The following ZGPAT variants were observed in gnomAD, a reference collection of about 807,000 sequenced individuals.
ZGPAT encodes the protein zinc finger CCCH-type with G patch domain-containing protein.
A neutral mutation model predicts 47.9 loss-of-function variants in ZGPAT; 39 were observed. The observed-to-expected ratio is 0.81, with a 90% CI of 0.63 to 1.06. ZGPAT has a LOEUF of 1.06. Among genes scored for constraint, ZGPAT ranks in the 50% least tolerant of loss-of-function variants. The pLI, the probability that ZGPAT is intolerant of heterozygous loss-of-function variation, is 0.00. For missense variants in ZGPAT, 717 were observed against 681.4 expected (o/e 1.05, Z -0.58); for synonymous variants, 348 against 292.9 (o/e 1.19, Z -1.92).
At chr20:63,727,669 C>CA (rs746126031) in intron 2 of ZGPAT, among the ~76,000 whole-genome samples, 989 of 44,896 alleles carry the variant, frequency 0.022, 6 homozygotes, top group African/African-American at 0.029. Context: ...GACTCGGTCT[C>CA]AAAAAAAAAA....
intron 2 of ZGPAT, among the ~76,000 whole-genome samples, chr20:63,715,757 T>TA (rs1326887627): frequency 6.6e-6 from 1 of 151,948 alleles, no homozygotes; most frequent in Non-Finnish European, 1.5e-5. Context: ...TGGGAAGAGG[T>TA]AAAAAGGGAT....
upstream of ZGPAT, chr20:63,707,568 G>A (rs1601299027): frequency 6.3e-6 from 1 of 159,282 alleles, no homozygotes; most frequent in Non-Finnish European, 1.4e-5. Context: ...GGGTAGGGAC[G>A]CCCCATCACC....
chr20:63,717,817 T>G (rs528015863), intron 2 of ZGPAT, among the ~76,000 whole-genome samples: 1 of 152,002 alleles, frequency 6.6e-6, no homozygotes, highest in East Asian at 1.9e-4. Flanking sequence ...CCAAGGTGGG[T>G]GGATCACCTA....
chr20:63,712,806 G>T (rs547225416), intron 2 of ZGPAT, among the ~76,000 whole-genome samples: 1 of 152,160 alleles, frequency 6.6e-6, no homozygotes, highest in African/African-American at 2.4e-5. Context: ...TGAGGCAGGA[G>T]AATCGCTTGA....
chr20:63,727,407 A>G (rs902970887), intron 2 of ZGPAT, among the ~76,000 whole-genome samples: 2 of 151,970 alleles, frequency 1.3e-5, no homozygotes, highest in Non-Finnish European at 2.9e-5. Context: ...ACGCCTGGCT[A>G]ATTTTTGTAT....
At chr20:63,722,938 G>A (rs1054648020) in intron 2 of ZGPAT, among the ~76,000 whole-genome samples, 1 of 152,048 alleles carries the variant, frequency 6.6e-6, no homozygotes, top group Non-Finnish European at 1.5e-5. Flanking sequence ...GCCTAAGTAT[G>A]GCAACGTGTC....
intron 2 of ZGPAT, among the ~76,000 whole-genome samples, chr20:63,712,512 G>A (rs370030940): frequency 1.3e-5 from 2 of 151,926 alleles, no homozygotes; most frequent in African/African-American, 4.8e-5. Flanking sequence ...GGATCGGCTT[G>A]TCCAATTCTG....
chr20:63,733,420 C>A lies in ZGPAT; in HGVS notation c.718+68C>A, dbSNP rs903264157. ...CCCCACGTGTGTTGTCACTGTGTGG[C>A]TGCTCCCTGCTTCCTTTGGGTTGAG... On this transcript the variant is annotated intron_variant, in intron 3 of 6. Transcript: ENST00000355969. 1.9e-6 allele frequency: 3 copies of A among 1,598,248 alleles called. No homozygotes were observed. The African/African-American group carries it at 4.0e-5, about 21-fold the overall frequency.
intron 2 of ZGPAT, among the ~76,000 whole-genome samples, chr20:63,712,108 G>C (rs1162722527): frequency 2.0e-5 from 3 of 152,148 alleles, no homozygotes; most frequent in African/African-American, 7.2e-5. Context: ...TTTCACCTAT[G>C]TTTTCTTCTA....
chr20:63,717,675 G>A (rs1194617791), intron 2 of ZGPAT, among the ~76,000 whole-genome samples: 1 of 151,978 alleles, frequency 6.6e-6, no homozygotes, highest in Non-Finnish European at 1.5e-5. Flanking sequence ...GACTCAATCA[G>A]TCCTCCTGCC....
At chr20:63,725,195 A>G (rs541249515) in intron 2 of ZGPAT, among the ~76,000 whole-genome samples, 45 of 152,220 alleles carry the variant, frequency 3.0e-4, no homozygotes, top group African/African-American at 1.0e-3. Context: ...CGTGTTAGCC[A>G]GGATGGTCTT....
Position 63,735,809 on chromosome 20 carries a change from G to A in ZGPAT, c.1426G>A (p.Glu476Lys), listed in dbSNP as rs774632294. 6 of 1,611,044 alleles carry A rather than the reference G, an allele frequency of 3.7e-6. No individual in the cohort carries two copies. The highest frequency in any genetic ancestry group is 1.7e-5 in the Admixed American group (1 of 59,706). Reference sequence around the variant, plus strand: ...TAGCGTGGCGTCAGCCCAGCTGCAGGAGAAGCTGGCAGGAGCCCAGCGCCA... The same window carrying A: ...TAGCGTGGCGTCAGCCCAGCTGCAGAAGAAGCTGGCAGGAGCCCAGCGCCA... ...RHSVASAQLQ[E>K]KLAGAQRQLG... Residue 476 changes from glutamate to lysine, a missense_variant, in exon 7 of 7, where the codon GAG (glutamate) becomes AAG (lysine). Transcript: ENST00000355969.
At chr20:63,724,356 C>A (rs2091820886) in intron 2 of ZGPAT, among the ~76,000 whole-genome samples, 1 of 120,688 alleles carries the variant, frequency 8.3e-6, no homozygotes. Context: ...CAGAGCGAGA[C>A]TCTGCCTAAA....
At chr20:63,732,166 G>A (rs562185760) in intron 2 of ZGPAT, among the ~76,000 whole-genome samples, 2 of 149,874 alleles carry the variant, frequency 1.3e-5, no homozygotes, top group African/African-American at 2.5e-5. Context: ...TGCGCGTGTG[G>A]GTGACTGCAT....
intron 2 of ZGPAT, among the ~76,000 whole-genome samples, chr20:63,731,273 CTG>C (rs1003981322): frequency 4.3e-4 from 64 of 149,572 alleles, no homozygotes; most frequent in African/African-American, 1.5e-3. Flanking sequence ...ATGCGGGTGT[CTG>C]TGTGTGTGAT....
chr20:63,725,891 G>T (rs1371123865), intron 2 of ZGPAT, among the ~76,000 whole-genome samples: 1 of 151,532 alleles, frequency 6.6e-6, no homozygotes, highest in African/African-American at 2.4e-5. Flanking sequence ...GGAGTGCAGT[G>T]GCGCGATTTC....
chr20:63,708,718 C>T lies in ZGPAT; in HGVS notation c.138C>T (p.Leu46=), dbSNP rs1203958696. The change falls in exon 2 of 7, where the codon CTC becomes CTT. Residue 46 remains leucine, a synonymous_variant. Coordinates refer to ENST00000355969, the MANE Select transcript of ZGPAT (RefSeq NM_181485.3). ...LRQLQGDLKE[L]IELTEASLVS... The stretch of plus-strand genomic sequence containing the variant: ...AGCTGCAGGGGGACCTGAAGGAGCT[C>T]ATCGAGCTCACCGAGGCCAGCCTGG... 2 of 1,612,792 alleles carry T rather than the reference C, an allele frequency of 1.2e-6. No individual in the cohort carries two copies. The highest frequency in any genetic ancestry group is 1.7e-6 in the Non-Finnish European group (2 of 1,179,906).
intron 2 of ZGPAT, among the ~76,000 whole-genome samples, chr20:63,732,133 CTA>C (rs1164469590): frequency 2.0e-5 from 3 of 151,760 alleles, no homozygotes; most frequent in Admixed American, 1.3e-4. Flanking sequence ...ACGTGACAGT[CTA>C]CACGTGAGGG....
Position 63,733,734 on chromosome 20 carries a change from C to G in ZGPAT, c.866C>G (p.Ala289Gly). ...GACGGTACGGGTGACTCCAGCTATG[C>G]CAGAGGTATGGCAGCAGCTGCGGAG... ...DSDGTGDSSY[A>G]RVVGSDAVDS... Residue 289 changes from alanine (A) to glycine (G), a missense_variant, in exon 4 of 7, where the codon GCC becomes GGC. By Grantham distance (60) the Ala-to-Gly change is moderately conservative. Coordinates refer to ENST00000355969, the MANE Select transcript of ZGPAT (RefSeq NM_181485.3). 2 of 1,610,124 alleles carry G rather than the reference C, an allele frequency of 1.2e-6. No individual in the cohort carries two copies. Among genetic ancestry groups the G allele is most frequent in the Non-Finnish European group, 1.7e-6 (2 of 1,177,648 alleles).
Sources: gnomAD v4.1 joint callset for allele counts (sites outside exome capture counted in the v4.1 genomes callset) on GRCh38, gnomAD v4.1.1 for gene constraint, MANE v1.5 for transcripts, NCBI Gene and HGNC (gene_info 2026-07-23, HGNC 2026-07-21) for gene names.